TEF: variants seen among roughly 807,000 people sequenced by gnomAD.
TEF encodes TEF transcription factor, PAR bZIP family member.
TEF carries 3 observed loss-of-function variants against 20.8 expected under a neutral mutation model. That is an observed-to-expected ratio of 0.14 (90% CI 0.07 to 0.37). TEF has a LOEUF of 0.37. Ranked by LOEUF, TEF falls within the 10% of genes least tolerant of loss-of-function variation. The probability of loss-of-function intolerance (pLI) is 1.00; values close to 1 mark genes in which losing one functional copy is unlikely to be tolerated. For missense variants in TEF, 296 were observed against 397.9 expected (o/e 0.74, Z 2.18); for synonymous variants, 180 against 171.1 (o/e 1.05, Z -0.41).
Position 41,397,552 on chromosome 22 carries a change from C to T in TEF, c.*1592C>T, listed in dbSNP as rs1161148796. The T allele has an allele frequency of 1.3e-5, 2 of 153,992 alleles. No individual in the cohort carries two copies. The highest frequency in any genetic ancestry group is 1.9e-4 in the East Asian group (1 of 5,252). 9.5% of individuals were successfully genotyped at this position (153,992 alleles called of 1,614,324 possible). The stretch of plus-strand genomic sequence containing the variant: ...GACTTTTCATAACAGACGTTAAGAC[C>T]AAGCCGTGGACCTCACCCCAGGGGA... On this transcript the variant is annotated 3_prime_UTR_variant, in exon 4 of 4. Transcript: ENST00000266304.
chr22:41,383,234 C>T (rs952432806), intron 1 of TEF, among the ~76,000 whole-genome samples: 1 of 152,144 alleles, frequency 6.6e-6, no homozygotes, highest in Admixed American at 6.5e-5. Context: ...GGCTCCCATC[C>T]CTGTGGCTGT....
At chr22:41,385,677 T>A (rs1314822468) in intron 1 of TEF, among the ~76,000 whole-genome samples, 8 of 152,114 alleles carry the variant, frequency 5.3e-5, no homozygotes. Flanking sequence ...TACAGCCTAT[T>A]CTGTTTTTGT....
chr22:41,391,419 G>A (rs2037164201), intron 2 of TEF, among the ~76,000 whole-genome samples: 1 of 151,462 alleles, frequency 6.6e-6, no homozygotes, highest in African/African-American at 2.4e-5. Flanking sequence ...TCTGCCTCCC[G>A]GGTTCAAGCG....
At chr22:41,390,645 C>CATG (rs2037153467) in intron 2 of TEF, among the ~76,000 whole-genome samples, 1 of 151,696 alleles carries the variant, frequency 6.6e-6, no homozygotes, top group Non-Finnish European at 1.5e-5. Context: ...AATACAGGCG[C>CATG]CCACCACCAC....
At chr22:41,369,901 TGGATGAC>T in intron 1 of TEF, 1 of 985,398 alleles carries the variant, frequency 1.0e-6, no homozygotes, top group Non-Finnish European at 1.2e-6. Flanking sequence ...GTTATCTCTT[TGGATGAC>T]TGTTTACAAA....
At position 41,398,463 on chromosome 22, in the gene TEF, C is replaced by T. The variant is rs987132395; in HGVS notation, c.*2503C>T. 6.5e-6 allele frequency: 1 copy of T among 153,776 alleles called. No homozygotes were observed. Among genetic ancestry groups the T allele is most frequent in the Non-Finnish European group, 1.5e-5 (1 of 68,052 alleles). The allele number at this position is 153,776 out of a possible 1,614,324, so 9.5% of individuals were successfully genotyped here. Reference sequence around the variant, plus strand: ...TTGGAAGTGCCGTCTACTTCCTAAGCATCCTGTCTAAAGCTTTGTGGCACC... The same window carrying T: ...TTGGAAGTGCCGTCTACTTCCTAAGTATCCTGTCTAAAGCTTTGTGGCACC... On this transcript the variant is annotated 3_prime_UTR_variant, in exon 4 of 4. Transcript: ENST00000266304.
intron 1 of TEF, among the ~76,000 whole-genome samples, chr22:41,371,702 CCTT>C (rs1475770852): frequency 6.6e-6 from 1 of 152,232 alleles, no homozygotes; most frequent in Non-Finnish European, 1.5e-5. Context: ...ACCCTCATTC[CCTT>C]CTTTCCACCT....
intron 2 of TEF, 110 bp from the exon 3 acceptor site, chr22:41,393,986 G>T: frequency 2.2e-6 from 2 of 918,958 alleles, no homozygotes; most frequent in Non-Finnish European, 3.3e-6. Context: ...TTCTCCCCAG[G>T]CGGCAGTGGC....
chr22:41,384,323 C>CT (rs1569255652), intron 1 of TEF, among the ~76,000 whole-genome samples: 1 of 152,142 alleles, frequency 6.6e-6, no homozygotes. Context: ...GCTCTCTTCT[C>CT]TTTTTTTAAT....
At chr22:41,378,391 G>T (rs1483194325), upstream of TEF, among the ~76,000 whole-genome samples, 1 of 139,818 alleles carries the variant, frequency 7.2e-6, no homozygotes, top group Non-Finnish European at 1.5e-5. Context: ...TGTCGCTCAG[G>T]CTGGAGTGCA....
chr22:41,391,028 T>G (rs1195056065), intron 2 of TEF, among the ~76,000 whole-genome samples: 1 of 152,140 alleles, frequency 6.6e-6, no homozygotes, highest in African/African-American at 2.4e-5. Context: ...GCTGCTTGTC[T>G]TGCAGGTACT....
upstream of TEF, among the ~76,000 whole-genome samples, chr22:41,380,154 A>T (rs2036997960): frequency 1.3e-5 from 2 of 151,376 alleles, no homozygotes; most frequent in African/African-American, 4.9e-5. Flanking sequence ...AATTATTTTT[A>T]TTTATTTATT....
At position 41,371,328 on chromosome 22, in the gene TEF, C is replaced by A. The variant is rs534564506; in HGVS notation, c.67+3729C>A. 5.9e-5 allele frequency among the ~76,000 whole-genome samples: 9 copies of A among 152,324 alleles called. No homozygotes were observed. The East Asian group carries it at 1.7e-3, about 29-fold the overall frequency. On this transcript the variant is annotated intron_variant, in intron 1 of 3. Coordinates refer to the TEF transcript ENST00000406644. ...CGGAACATACACCTCAAAGGCTGAA[C>A]AAGGCCTTTGCTTTGGGCTGGGCAG...
chr22:41,368,233 A>G lies in TEF; in HGVS notation c.67+634A>G, dbSNP rs949320454. ...AGTCCTGCCTGGGAACCCCATGGCC[A>G]GATTAGTTTGGCGGAGAATACTGAT... is the stretch of plus-strand genomic sequence containing the variant. On this transcript the variant is annotated intron_variant, in intron 1 of 3. Transcript: ENST00000406644. Among the ~76,000 whole-genome samples the G allele has an allele frequency of 1.4e-4, 22 of 152,224 alleles. 2 individuals carry two copies. The highest frequency in any genetic ancestry group is 1.2e-3 in the Admixed American group (19 of 15,306).
At chr22:41,371,568 G>A (rs939641199) in intron 1 of TEF, among the ~76,000 whole-genome samples, 21 of 152,226 alleles carry the variant, frequency 1.4e-4, no homozygotes, top group Non-Finnish European at 2.9e-5. Context: ...CCAAGATTAA[G>A]TGAGTTATCC....
At chr22:41,382,333 AC>A (rs1162842663) in intron 1 of TEF, 132 bp downstream of exon 1, 2 of 801,162 alleles carry the variant, frequency 2.5e-6, no homozygotes, top group East Asian at 3.5e-5. Context: ...GGCCTGGATG[AC>A]CAGGAGCCTG....
upstream of TEF, chr22:41,381,794 G>C: frequency 1.0e-6 from 1 of 997,066 alleles, no homozygotes; most frequent in Non-Finnish European, 1.3e-6. Flanking sequence ...ACGGCCCGAG[G>C]ATCTGCGCCT....
At chr22:41,371,405 G>A (rs767670306) in intron 1 of TEF, among the ~76,000 whole-genome samples, 79 of 152,330 alleles carry the variant, frequency 5.2e-4, no homozygotes, top group Non-Finnish European at 8.1e-4. Context: ...TCTAGGCAAG[G>A]CAGTGTGGCC....
rs1486873399 is a variant in TEF at position 41,370,479 on chromosome 22, G to A, written c.67+2880G>A. Among the ~76,000 whole-genome samples, 8 of 136,472 alleles carry A rather than the reference G, an allele frequency of 5.9e-5. No homozygotes were observed. In the East Asian group the frequency reaches 1.5e-3, roughly 26 times the overall value. The allele number at this position is 136,472 out of a possible 152,430, so 89.5% of individuals were successfully genotyped here. A position where few individuals can be genotyped will look rare whatever the true frequency, so the allele number is the denominator to read the frequency against. Reference sequence around the variant, plus strand: ...CCAGGCTGGAGTGCAGTGGTGCAACGTCAGCTCACTGTAACCTCCACCTCC... The same window carrying A: ...CCAGGCTGGAGTGCAGTGGTGCAACATCAGCTCACTGTAACCTCCACCTCC... On this transcript the variant is annotated intron_variant, in intron 1 of 3. Transcript: ENST00000406644.
Sources: allele counts gnomAD v4.1 joint callset (sites outside exome capture counted in the v4.1 genomes callset), GRCh38; gene constraint gnomAD v4.1.1; transcripts MANE v1.5; gene names NCBI Gene and HGNC (gene_info 2026-07-23, HGNC 2026-07-21).